The following PYGM variants were observed in gnomAD, a reference collection of about 807,000 sequenced individuals.
PYGM encodes the protein glycogen phosphorylase, muscle form.
Under a neutral mutation model 99.3 loss-of-function variants are expected in PYGM, and 81 were observed. The observed-to-expected ratio is 0.82, with a 90% confidence interval of 0.68 to 0.98. PYGM has a LOEUF of 0.98. PYGM is among the 50% of genes least tolerant of loss of function. The pLI, the probability that PYGM is intolerant of heterozygous loss-of-function variation, is 0.00. For synonymous variants in PYGM, 436 were observed against 451.5 expected (o/e 0.97, Z 0.44); for missense variants, 1,030 against 1,158.1 (o/e 0.89, Z 1.61).
rs1406092563 is a variant in PYGM at position 64,754,857 on chromosome 11, C to T, written c.856-21G>A. 4.3e-6 allele frequency: 7 copies of T among 1,612,942 alleles called. No homozygotes were observed. The highest frequency in any genetic ancestry group is 3.3e-5 in the Admixed American group (2 of 59,994). ...AAGAACTGGGGACAGCATGAGGCAG[C>T]GTGAGTCAGGGCGGTGGGGGCATGG... On this transcript the variant is annotated intron_variant, in intron 7 of 19. Coordinates refer to ENST00000164139, the MANE Select transcript of PYGM (RefSeq NM_005609.4). The surrounding 1 kb of genome is among the most constrained non-coding windows in gnomAD (Gnocchi z 5.5).
Position 64,752,300 on chromosome 11 carries a change from C to T in PYGM, c.1620+103G>A, listed in dbSNP as rs896521078. The T allele has an allele frequency of 1.6e-4, 226 of 1,442,624 alleles. 3 individuals carry two copies. The South Asian group carries it at 2.2e-3, about 14-fold the overall frequency. The allele number at this position is 1,442,624 out of a possible 1,614,324, so 89.4% of individuals were successfully genotyped here. ...AGGCAACTTCCACCAACGGCCTGGG[C>T]TGGCAGGAGAGATGAGCTCTATTTG... is the stretch of plus-strand genomic sequence containing the variant. On this transcript the variant is annotated intron_variant, in intron 13 of 19. Coordinates refer to ENST00000164139, the MANE Select transcript of PYGM (RefSeq NM_005609.4).
chr11:64,760,085 A>AAGGGGAGGAGAGGAG, upstream of PYGM: 1 of 934,430 alleles, frequency 1.1e-6, no homozygotes. Flanking sequence ...TTTTGAGGGC[A>AAGGGGAGGAGAGGAG]AGGGGAGGAG....
Position 64,754,496 on chromosome 11 carries a change from G to A in PYGM, c.1000-151C>T. Reference sequence around the variant, plus strand: ...AGGCCGGTGCTCATGGGGGTGGGAGGAATGGGGGGAGTGGGGCGGGAGGAG... The same window carrying A: ...AGGCCGGTGCTCATGGGGGTGGGAGAAATGGGGGGAGTGGGGCGGGAGGAG... On this transcript the variant is annotated intron_variant, in intron 8 of 19. Transcript: ENST00000164139. This position sits in a 1 kb window ranked among gnomAD's most constrained non-coding sequence, Gnocchi z 5.5. The A allele has an allele frequency of 1.8e-6, 1 of 569,066 alleles. No homozygotes were observed. The highest frequency in any genetic ancestry group is 1.7e-5 in the South Asian group (1 of 58,488). 35.3% of individuals were successfully genotyped at this position (569,066 alleles called of 1,614,324 possible).
At position 64,754,350 on chromosome 11, in the gene PYGM, G is replaced by A; in HGVS notation, c.1000-5C>T. 1.2e-6 allele frequency: 2 copies of A among 1,601,836 alleles called. No individual in the cohort carries two copies. The highest frequency in any genetic ancestry group is 8.6e-7 in the Non-Finnish European group (1 of 1,169,424). On this transcript the variant is annotated splice_polypyrimidine_tract_variant and splice_region_variant and intron_variant, in intron 8 of 19. Transcript: ENST00000164139. This position sits in a 1 kb window ranked among gnomAD's most constrained non-coding sequence, Gnocchi z 5.5. ...GTCATTGAGCTGGATGGCCACCTGG[G>A]GTAGGGGGAGGGGTCAGTCTGGGCT...
intron 16 of PYGM, 34 bp from the exon 17 acceptor site, chr11:64,750,617 A>G: frequency 6.2e-7 from 1 of 1,604,068 alleles, no homozygotes; most frequent in Non-Finnish European, 8.5e-7. Flanking sequence ...AAGTCAACTC[A>G]GGGAAGACCC....
At position 64,758,270 on chromosome 11, in the gene PYGM, G is replaced by C; in HGVS notation, c.504C>G (p.Asn168Lys). 1 of 1,613,890 alleles carries C rather than the reference G, an allele frequency of 6.2e-7. No individual in the cohort carries two copies. The highest frequency in any genetic ancestry group is 8.5e-7 in the Non-Finnish European group (1 of 1,179,812). ...CCTGCCAGCCCCCGGAGATCTTCTG[G>C]TTAAAAATCCCAAACTCATAGCGAA... ...YGIRYEFGIF[N>K]QKISGGWQME... The change falls in exon 4 of 20, where the codon AAC becomes AAG. Residue 168 changes from asparagine (N) to lysine (K), a missense_variant. By Grantham distance (94) the Asn-to-Lys change is moderately conservative. Coordinates refer to ENST00000164139, the MANE Select transcript of PYGM (RefSeq NM_005609.4).
chr11:64,758,396 C>A (rs2058408682), intron 3 of PYGM, 41 bp downstream of exon 3: 2 of 1,612,608 alleles, frequency 1.2e-6, no homozygotes. Flanking sequence ...GCAAGGAGGA[C>A]CCCATCGGCC....
At position 64,755,611 on chromosome 11, in the gene PYGM, C is replaced by G; in HGVS notation, c.661-53G>C. On this transcript the variant is annotated intron_variant, in intron 5 of 19. Coordinates refer to ENST00000164139, the MANE Select transcript of PYGM (RefSeq NM_005609.4). This position sits in a 1 kb window ranked among gnomAD's most constrained non-coding sequence, Gnocchi z 4.1. Reference sequence around the variant, plus strand: ...GGCCAGCCCTGGCAATTGCCTCCCTCCCCTCAGGGCTGGGACTCAAGGCTT... The same window carrying G: ...GGCCAGCCCTGGCAATTGCCTCCCTGCCCTCAGGGCTGGGACTCAAGGCTT... 3 of 1,399,610 alleles carry G rather than the reference C, an allele frequency of 2.1e-6. No homozygotes were observed. Among genetic ancestry groups the G allele is most frequent in the Non-Finnish European group, 3.0e-6 (3 of 991,056 alleles). The allele number at this position is 1,399,610 out of a possible 1,614,324, so 86.7% of individuals were successfully genotyped here. A position where few individuals can be genotyped will look rare whatever the true frequency, so the allele number is the denominator to read the frequency against.
rs1592405997 is a variant in PYGM, at chr11:64,747,425, T to C, written c.2178-67A>G. 5 of 1,608,770 alleles carry C rather than the reference T, an allele frequency of 3.1e-6. No individual in the cohort carries two copies. In the East Asian group the frequency reaches 1.1e-4, roughly 36 times the overall value. ...CCTGGCTCCTCTTCCAGAGAAAAGC[T>C]GAGAAGTCCCATGCCCCAGGGTCAA... is the stretch of plus-strand genomic sequence containing the variant. On this transcript the variant is annotated intron_variant, in intron 17 of 19. Transcript: ENST00000164139.
chr11:64,758,223 A>T (rs1157741190), intron 4 of PYGM, 23 bp downstream of exon 4: 2 of 1,588,330 alleles, frequency 1.3e-6, no homozygotes, highest in Admixed American at 1.7e-5. Context: ...TAGACCCCAC[A>T]AGTTAGAGCC....
In PYGM at chr11:64,746,723, G is replaced by A. The variant is rs747567834; in HGVS notation, c.2465C>T (p.Ala822Val). The A allele has an allele frequency of 3.1e-6, 5 of 1,614,196 alleles. No individual in the cohort carries two copies. The highest frequency in any genetic ancestry group is 4.2e-6 in the Non-Finnish European group (5 of 1,180,032). ...AGGCTCCACACCCCAGATCTCCCGG[G>A]CATACTGGGCAATGGTGCGGTCACT... ...FSSDRTIAQYAREIWGVEPSR... is the reference protein window; with the variant it reads ...FSSDRTIAQYVREIWGVEPSR... The change falls in exon 20 of 20, where the codon GCC (alanine) becomes GTC (valine). Residue 822 changes from alanine (A) to valine (V), a missense_variant. By Grantham distance (64) the Ala-to-Val change is moderately conservative. Transcript: ENST00000164139.
intron 1 of PYGM, 27 bp downstream of exon 1, chr11:64,759,629 C>A (rs1367843816): frequency 6.2e-7 from 1 of 1,611,830 alleles, no homozygotes; most frequent in Admixed American, 1.7e-5. Flanking sequence ...TCAGCCCATA[C>A]CCCCACCCCA....
At chr11:64,752,589 G>T in intron 12 of PYGM, 85 bp from the exon 13 acceptor site, 1 of 1,377,816 alleles carries the variant, frequency 7.3e-7, no homozygotes. Context: ...GGTCAGCCAA[G>T]CCCCCTTCAC....
chr11:64,758,101 T>A, intron 4 of PYGM, 145 bp downstream of exon 4: 1 of 1,290,872 alleles, frequency 7.7e-7, no homozygotes, highest in South Asian at 1.2e-5. Context: ...GGGCACCAGC[T>A]GGCTTTGGGT....
At chr11:64,757,706 C>G in intron 5 of PYGM, 73 bp downstream of exon 5, 1 of 1,600,900 alleles carries the variant, frequency 6.2e-7, no homozygotes, top group Non-Finnish European at 8.5e-7. Flanking sequence ...ACACTGGGTC[C>G]TGCTTCCTCT....
chr11:64,760,058 G>A, upstream of PYGM: 1 of 1,159,806 alleles, frequency 8.6e-7, no homozygotes, highest in Non-Finnish European at 1.2e-6. Context: ...GTCTTGGCCT[G>A]GCAGCTCAGG....
At position 64,747,309 on chromosome 11, in the gene PYGM, T is replaced by C. The variant is rs1194473443; in HGVS notation, c.2227A>G (p.Ile743Val). 1 of 1,614,196 alleles carries C rather than the reference T, an allele frequency of 6.2e-7. No individual in the cohort carries two copies. Among genetic ancestry groups the C allele is most frequent in the East Asian group, 2.2e-5 (1 of 44,882 alleles). ...YDRIPELRQV[I>V]EQLSSGFFSP... ...AAGAAGCCACTGCTCAGCTGCTCAATGACCTGCCGAAGCTCAGGAATGCGA... is the reference window on the plus strand; with the variant it reads ...AAGAAGCCACTGCTCAGCTGCTCAACGACCTGCCGAAGCTCAGGAATGCGA... Residue 743 changes from isoleucine to valine, a missense_variant, in exon 18 of 20, where the codon ATT becomes GTT. Transcript: ENST00000164139.
chr11:64,759,509 T>C (rs943705308), intron 1 of PYGM, 147 bp downstream of exon 1: 1 of 1,353,750 alleles, frequency 7.4e-7, no homozygotes, highest in Admixed American at 2.0e-5. Context: ...CTCCCTCAGA[T>C]TGTCCCAGCA....
rs773168495 is a variant in PYGM at position 64,746,639 on chromosome 11, T to A, written c.*20A>T. 3.1e-6 allele frequency: 5 copies of A among 1,613,948 alleles called. No homozygotes were observed. The highest frequency in any genetic ancestry group is 4.2e-6 in the Non-Finnish European group (5 of 1,179,956). ...GAGTGTGACAGACTCAAGGGCTGGT[T>A]TGGGGTCTGGTCTGGAGGCTCAGAT... On this transcript the variant is annotated 3_prime_UTR_variant, in exon 20 of 20. Transcript: ENST00000164139.
Sources: gnomAD v4.1 joint callset for allele counts on GRCh38, gnomAD v4.1.1 for gene constraint, Gnocchi (gnomAD v3.1) non-coding constraint, MANE v1.5 for transcripts, NCBI Gene and HGNC (gene_info 2026-07-23, HGNC 2026-07-21) for gene names.